The following NID1 variants were observed in gnomAD, a reference collection of about 807,000 sequenced individuals.
NID1 encodes the protein nidogen-1.
Under a neutral mutation model 130.6 loss-of-function variants are expected in NID1, and 76 were observed. That is an observed-to-expected ratio of 0.58 (90% CI 0.48 to 0.70). NID1 has a LOEUF of 0.70. Among genes scored for constraint, NID1 ranks in the 30% least tolerant of loss-of-function variants. NID1 has a pLI of 0.00. For synonymous variants in NID1, 665 were observed against 675.1 expected, an observed-to-expected ratio of 0.98 and a Z score of 0.23; for missense variants, 1,517 against 1,664.8, an observed-to-expected ratio of 0.91 and a Z score of 1.54.
chr1:236,036,267 TTAA>T (rs1659258207), intron 5 of NID1, among the ~76,000 whole-genome samples: 1 of 152,212 alleles, frequency 6.6e-6, no homozygotes, highest in African/African-American at 2.4e-5. Flanking sequence ...AGTTTAGAAG[TTAA>T]TAACATCCCC....
At position 236,015,647 on chromosome 1, in the gene NID1, C is replaced by CAAAAAA. The variant is rs71559908; in HGVS notation, c.2254+1495_2254+1500dup. ...GGGTGACAATAGCAAAACCCTGTCT[C>CAAAAAA]AAAAAAAAAAAAAAAAAAAAGGGAG... On this transcript the variant is annotated intron_variant, in intron 10 of 19. Coordinates refer to ENST00000264187, the MANE Select transcript of NID1 (RefSeq NM_002508.3). Among the ~76,000 whole-genome samples, 396 of 79,578 alleles carry CAAAAAA rather than the reference C, an allele frequency of 5.0e-3. 7 individuals carry two copies. The highest frequency in any genetic ancestry group is 7.4e-3 in the Middle Eastern group (1 of 136). The allele number at this position is 79,578 out of a possible 152,430, so 52.2% of individuals were successfully genotyped here.
chr1:236,035,815 G>A (rs960325719), intron 5 of NID1, among the ~76,000 whole-genome samples: 1 of 152,094 alleles, frequency 6.6e-6, no homozygotes, highest in Non-Finnish European at 1.5e-5. Context: ...TCATTACTCC[G>A]GGGAACACTG....
intron 12 of NID1, among the ~76,000 whole-genome samples, chr1:236,007,171 G>T (rs137956940): frequency 6.6e-6 from 1 of 152,262 alleles, no homozygotes; most frequent in Non-Finnish European, 1.5e-5. Flanking sequence ...CTACAGGTGT[G>T]TGCTAATTTT....
Position 236,047,981 on chromosome 1 carries a change from G to A in NID1, c.525+709C>T, listed in dbSNP as rs548862113. Among the ~76,000 whole-genome samples the A allele has an allele frequency of 6.2e-5, 8 of 129,932 alleles. No homozygotes were observed. In the East Asian group the frequency reaches 1.0e-3, roughly 16 times the overall value. The allele number at this position is 129,932 out of a possible 152,430, so 85.2% of individuals were successfully genotyped here. On this transcript the variant is annotated intron_variant, in intron 2 of 19. Transcript: ENST00000264187. ...GTGGAGGCTGCAGAGAGCTGAGATTGTGCCACTGTACTCCAGCCTGGGCAA... is the reference window on the plus strand; with the variant it reads ...GTGGAGGCTGCAGAGAGCTGAGATTATGCCACTGTACTCCAGCCTGGGCAA...
intron 12 of NID1, among the ~76,000 whole-genome samples, chr1:236,003,476 C>T (rs1363447911): frequency 1.3e-5 from 2 of 152,174 alleles, no homozygotes; most frequent in Non-Finnish European, 2.9e-5. Context: ...GTGCACCAGC[C>T]AGAAATGCAG....
intron 4 of NID1, 49 bp downstream of exon 4, chr1:236,041,861 A>G (rs1233329333): frequency 6.4e-7 from 1 of 1,558,428 alleles, no homozygotes; most frequent in Admixed American, 1.9e-5. Context: ...GCCTGTCTGG[A>G]AGCCCACACA....
At position 236,029,546 on chromosome 1, in the gene NID1, T is replaced by C. The variant is rs1281873463; in HGVS notation, c.1738+4A>G. 4 of 1,554,164 alleles carry C rather than the reference T, an allele frequency of 2.6e-6. No individual in the cohort carries two copies. The African/African-American group carries it at 5.5e-5, about 21-fold the overall frequency. The stretch of plus-strand genomic sequence containing the variant: ...GCTGGCCCTGGGACACAGCTGGGGC[T>C]CACCTGAGGTGGAGTAGTGGTACAG... On this transcript the variant is annotated splice_donor_region_variant and intron_variant, in intron 7 of 19. Coordinates refer to ENST00000264187, the MANE Select transcript of NID1 (RefSeq NM_002508.3).
chr1:236,007,545 A>C (rs894312764), intron 12 of NID1, among the ~76,000 whole-genome samples: 1 of 152,178 alleles, frequency 6.6e-6, no homozygotes, highest in Non-Finnish European at 1.5e-5. Context: ...TTCGTTTATA[A>C]AAGACTGTGG....
intron 2 of NID1, among the ~76,000 whole-genome samples, chr1:236,046,964 AG>A (rs1659620595): frequency 6.6e-6 from 1 of 152,190 alleles, no homozygotes; most frequent in Non-Finnish European, 1.5e-5. Context: ...ATATTCGGCA[AG>A]GCTGGAATGG....
chr1:236,016,503 G>A (rs1179127306), intron 10 of NID1, among the ~76,000 whole-genome samples: 3 of 152,172 alleles, frequency 2.0e-5, no homozygotes, highest in Non-Finnish European at 2.9e-5. Flanking sequence ...AATCTTGAAC[G>A]ACCAGGTCAA....
chr1:236,031,602 C>T (rs892705462), intron 6 of NID1, among the ~76,000 whole-genome samples: 3 of 152,192 alleles, frequency 2.0e-5, no homozygotes, highest in Non-Finnish European at 4.4e-5. Flanking sequence ...GGGGAGAAGG[C>T]AGGTCTAGGT....
rs769350405 is a variant in NID1, at chr1:236,013,510, A to G, written c.2305T>C (p.Cys769Arg). Reference sequence around the variant, plus strand: ...CACTGGGCCCGCTGGGGTATGTCGCAGTTATGAAGGCCAGTTTCACAGTAG... The same window carrying G: ...CACTGGGCCCGCTGGGGTATGTCGCGGTTATGAAGGCCAGTTTCACAGTAG... ...INYCETGLHNCDIPQRAQCIY... is the reference protein window; with the variant it reads ...INYCETGLHNRDIPQRAQCIY... The change falls in exon 11 of 20, where the codon TGC (cysteine) becomes CGC (arginine). Residue 769 changes from cysteine to arginine, a missense_variant. Cys to Arg is a radical substitution (Grantham distance 180, BLOSUM62 -3). Around this residue, in one of 3 missense-constraint regions of NID1, gnomAD observed 1,329 missense variants for 1,429.2 expected, o/e 0.93. Transcript: ENST00000264187. 1 of 1,614,028 alleles carries G rather than the reference A, an allele frequency of 6.2e-7. No homozygotes were observed. Among genetic ancestry groups the G allele is most frequent in the African/African-American group, 1.3e-5 (1 of 74,918 alleles).
At chr1:236,041,644 C>T (rs1014880742) in intron 4 of NID1, among the ~76,000 whole-genome samples, 4 of 152,064 alleles carry the variant, frequency 2.6e-5, no homozygotes, top group Non-Finnish European at 4.4e-5. Flanking sequence ...ACAGACAGAA[C>T]GGAATACTAG....
At position 235,991,129 on chromosome 1, in the gene NID1, C is replaced by A. The variant is rs3738528; in HGVS notation, c.2756-71G>T. The A allele has an allele frequency of 4.0e-3, 5,050 of 1,251,524 alleles. 24 individuals carry two copies. The highest frequency in any genetic ancestry group is 4.9e-3 in the East Asian group (178 of 36,022). 77.5% of individuals were successfully genotyped at this position (1,251,524 alleles called of 1,614,324 possible). A position where few individuals can be genotyped will look rare whatever the true frequency, so the allele number is the denominator to read the frequency against. On this transcript the variant is annotated intron_variant, in intron 13 of 19. Coordinates refer to ENST00000264187, the MANE Select transcript of NID1 (RefSeq NM_002508.3). ...AACACACAGATGCACACACACACACCCCCACACACATGCACGCATGCACAC... is the reference window on the plus strand; with the variant it reads ...AACACACAGATGCACACACACACACACCCACACACATGCACGCATGCACAC...
chr1:236,040,019 C>T (rs918891412), intron 4 of NID1, among the ~76,000 whole-genome samples: 3 of 152,260 alleles, frequency 2.0e-5, no homozygotes, highest in Admixed American at 1.3e-4. Flanking sequence ...ACACAATCTG[C>T]GTTCAAATCT....
intron 10 of NID1, among the ~76,000 whole-genome samples, chr1:236,015,342 A>T (rs1479327972): frequency 6.6e-6 from 1 of 152,116 alleles, no homozygotes; most frequent in African/African-American, 2.4e-5. Flanking sequence ...AAAGGGGTGA[A>T]GATGTTCTCC....
chr1:236,055,793 T>C (rs16833258), intron 1 of NID1, among the ~76,000 whole-genome samples: 7,549 of 152,276 alleles, frequency 0.05, 634 homozygotes, highest in African/African-American at 0.17. Context: ...TGTCCTTGTT[T>C]TTATTTGGTT....
rs767455965 is a variant in NID1 at position 236,042,042 on chromosome 1, G to T, written c.1003C>A (p.Arg335Ser). 1 of 1,614,178 alleles carries T rather than the reference G, an allele frequency of 6.2e-7. No individual in the cohort carries two copies. Among genetic ancestry groups the T allele is most frequent in the Non-Finnish European group, 8.5e-7 (1 of 1,180,046 alleles). ...AGGGGCCTTTCGGTAGCTGCCCGGC[G>T]CGGGGAGAGGACGCTGGGCACACTG... ...TYSVPSVLSP[R>S]RAATERPLGP... The change falls in exon 4 of 20, where the codon CGC becomes AGC. Residue 335 changes from arginine to serine, a missense_variant. Arg to Ser is a moderately radical substitution (Grantham distance 110, BLOSUM62 -1). This residue lies in a region of NID1 where 1,329 missense variants were observed against 1,429.2 expected (regional missense o/e 0.93). Coordinates refer to ENST00000264187, the MANE Select transcript of NID1 (RefSeq NM_002508.3).
chr1:236,041,347 T>A (rs1022010075), intron 4 of NID1, among the ~76,000 whole-genome samples: 11 of 152,190 alleles, frequency 7.2e-5, no homozygotes, highest in Non-Finnish European at 1.0e-4. Context: ...ATTACAGGTG[T>A]GAGCCACCAC....
Sources: gnomAD v4.1 joint callset for allele counts (sites outside exome capture counted in the v4.1 genomes callset) on GRCh38, gnomAD v4.1.1 for gene constraint, gnomAD v4.1.1 regional missense constraint, MANE v1.5 for transcripts, NCBI Gene and HGNC (gene_info 2026-07-23, HGNC 2026-07-21) for gene names.